ZSCAN25: variants seen among roughly 807,000 people sequenced by gnomAD.
ZSCAN25 encodes the protein zinc finger and SCAN domain containing 25, also known as zinc finger and SCAN domain-containing protein 25.
In ZSCAN25, 27 loss-of-function variants were observed where a neutral mutation model predicts 38.7. That is an observed-to-expected ratio of 0.70 (90% CI 0.51 to 0.96). The LOEUF (loss-of-function observed/expected upper bound fraction) is 0.96. Among genes scored for constraint, ZSCAN25 ranks in the 40% least tolerant of loss-of-function variants. The pLI is 0.00. For synonymous variants in ZSCAN25, 273 were observed against 277.7 expected, an observed-to-expected ratio of 0.98 and a Z score of 0.17; for missense variants, 637 against 705.9, an observed-to-expected ratio of 0.90 and a Z score of 1.11.
the ZSCAN25 span, among the ~76,000 whole-genome samples, chr7:99,637,809 A>G: frequency 2.0e-5 from 3 of 152,350 alleles, no homozygotes; most frequent in South Asian, 2.1e-4. Flanking sequence ...ACTAGATGAA[A>G]CAGACTTGCA....
the ZSCAN25 span, among the ~76,000 whole-genome samples, chr7:99,680,651 T>C: frequency 6.6e-6 from 1 of 152,154 alleles, no homozygotes; most frequent in Non-Finnish European, 1.5e-5. Flanking sequence ...TTGGGTGAGA[T>C]TGCTGGGCGT....
the ZSCAN25 span, among the ~76,000 whole-genome samples, chr7:99,731,487 C>A: frequency 6.6e-6 from 1 of 152,138 alleles, no homozygotes; most frequent in Non-Finnish European, 1.5e-5. Flanking sequence ...TCCCTCATGT[C>A]TTTTTAGTAA....
At chr7:99,729,819 A>G in the ZSCAN25 span, among the ~76,000 whole-genome samples, 5 of 151,912 alleles carry the variant, frequency 3.3e-5, no homozygotes, top group Non-Finnish European at 4.4e-5. Context: ...CCCCACCCCT[A>G]TCTCCCCTTG....
downstream of ZSCAN25, among the ~76,000 whole-genome samples, chr7:99,633,359 A>G (rs1230984829): frequency 6.6e-6 from 1 of 152,178 alleles, no homozygotes; most frequent in African/African-American, 2.4e-5. Context: ...TTAGTTCTGT[A>G]AATGCTTCAT....
the ZSCAN25 span, chr7:99,647,829 C>G: frequency 5.1e-6 from 5 of 985,294 alleles, no homozygotes; most frequent in Non-Finnish European, 6.0e-6. Context: ...CTTTAGTGTG[C>G]AGGATGGCAT....
the ZSCAN25 span, among the ~76,000 whole-genome samples, chr7:99,668,525 A>G: frequency 6.6e-6 from 1 of 152,192 alleles, no homozygotes; most frequent in African/African-American, 2.4e-5. Context: ...GTGATTCTCA[A>G]GTGTGAACTT....
At chr7:99,683,361 C>T in the ZSCAN25 span, among the ~76,000 whole-genome samples, 42 of 152,158 alleles carry the variant, frequency 2.8e-4, 1 homozygote, top group Non-Finnish European at 4.0e-4. Context: ...CAAACACATA[C>T]ATACATTTAT....
chr7:99,705,167 G>C, the ZSCAN25 span: 149 of 256,392 alleles, frequency 5.8e-4, no homozygotes, highest in Middle Eastern at 2.8e-3. Context: ...TAATGATTGT[G>C]GTTGAAATTA....
At chr7:99,645,083 TG>T in the ZSCAN25 span, among the ~76,000 whole-genome samples, 93 of 152,268 alleles carry the variant, frequency 6.1e-4, no homozygotes, top group South Asian at 2.5e-3. Flanking sequence ...CTCCGCCTCC[TG>T]GGTTCAAGCG....
the ZSCAN25 span, chr7:99,705,711 C>G: frequency 8.0e-7 from 1 of 1,256,938 alleles, no homozygotes; most frequent in Non-Finnish European, 1.1e-6. Context: ...ATAAAAACTA[C>G]TTTCAGCACT....
chr7:99,711,191 C>T, the ZSCAN25 span, among the ~76,000 whole-genome samples: 1 of 152,200 alleles, frequency 6.6e-6, no homozygotes, highest in Non-Finnish European at 1.5e-5. Flanking sequence ...TTCTGCATAA[C>T]ATACTCAGTG....
At chr7:99,655,703 A>G in the ZSCAN25 span, among the ~76,000 whole-genome samples, 1 of 152,012 alleles carries the variant, frequency 6.6e-6, no homozygotes, top group African/African-American at 2.4e-5. Context: ...GATTCTTCCT[A>G]CCCATGAGCA....
chr7:99,652,373 G>A, the ZSCAN25 span: 5 of 495,376 alleles, frequency 1.0e-5, no homozygotes, highest in South Asian at 7.3e-5. Context: ...GTGGATGGAT[G>A]TAGTTTCGTT....
downstream of ZSCAN25, among the ~76,000 whole-genome samples, chr7:99,633,730 C>T (rs919752586): frequency 1.3e-5 from 2 of 152,198 alleles, no homozygotes; most frequent in Non-Finnish European, 2.9e-5. Flanking sequence ...TGCACCTGGC[C>T]TGCACTCATG....
At chr7:99,691,586 G>T in the ZSCAN25 span, among the ~76,000 whole-genome samples, 3 of 152,098 alleles carry the variant, frequency 2.0e-5, no homozygotes, top group Non-Finnish European at 4.4e-5. Context: ...TCCTGTATTG[G>T]GTGCATATAT....
At chr7:99,730,896 G>A in the ZSCAN25 span, 1 of 872,110 alleles carries the variant, frequency 1.1e-6, no homozygotes, top group Non-Finnish European at 1.7e-6. Context: ...GTTAGCAAGA[G>A]AGCCCCAGGG....
rs1807807917 is a variant in ZSCAN25, at chr7:99,629,575, A to G, written c.1190A>G (p.His397Arg). 1.2e-6 allele frequency: 2 copies of G among 1,614,188 alleles called. No homozygotes were observed. Among genetic ancestry groups the G allele is most frequent in the African/African-American group, 2.7e-5 (2 of 75,034 alleles). ...REYLMKHQRT[H>R]LGKRPYVCSE... is the part of the protein sequence containing the mutation. ...TACCTGATGAAGCACCAGAGAACCC[A>G]CCTGGGAAAGAGGCCCTACGTGTGC... Residue 397 changes from histidine (H) to arginine (R), a missense_variant, in exon 8 of 8, where the codon CAC becomes CGC. By Grantham distance (29) the His-to-Arg change is conservative. Transcript: ENST00000394152. The surrounding 1 kb of genome is among the most constrained non-coding windows in gnomAD (Gnocchi z 5.6).
chr7:99,665,982 A>G, the ZSCAN25 span, among the ~76,000 whole-genome samples: 1 of 152,340 alleles, frequency 6.6e-6, no homozygotes, highest in Admixed American at 6.5e-5. Context: ...GAGTGACCAC[A>G]TGTCCCAAGT....
At chr7:99,720,259 A>G in the ZSCAN25 span, 21 of 1,599,560 alleles carry the variant, frequency 1.3e-5, no homozygotes, top group African/African-American at 2.7e-5. Flanking sequence ...AGAATTTTAA[A>G]ATAAAAATTT....
Sources: allele counts gnomAD v4.1 joint callset (sites outside exome capture counted in the v4.1 genomes callset), GRCh38; gene constraint gnomAD v4.1.1; non-coding constraint Gnocchi (gnomAD v3.1); transcripts MANE v1.5; gene names NCBI Gene and HGNC (gene_info 2026-07-23, HGNC 2026-07-21).